PDE1C: variants seen among roughly 807,000 people sequenced by gnomAD.
PDE1C encodes the protein phosphodiesterase 1C.
A neutral mutation model predicts 93.1 loss-of-function variants in PDE1C; 62 were observed. The ratio of observed to expected loss-of-function variants is 0.67; its 90% CI spans 0.54 to 0.82. The LOEUF (loss-of-function observed/expected upper bound fraction) is 0.82. Ranked by LOEUF, PDE1C falls within the 40% of genes least tolerant of loss-of-function variation. The pLI is 0.00. For missense variants in PDE1C, 742 were observed against 884.6 expected (o/e 0.84, Z 2.04); for synonymous variants, 325 against 310.1 (o/e 1.05, Z -0.50).
At chr7:31,893,658 C>T (rs992804840) in intron 2 of PDE1C, among the ~76,000 whole-genome samples, 6 of 151,908 alleles carry the variant, frequency 3.9e-5, no homozygotes, top group Non-Finnish European at 8.8e-5. Context: ...ACTCCCATAG[C>T]TATTTAGAAA....
chr7:31,838,066 C>A (rs1583544711), intron 9 of PDE1C, 95 bp from the exon 10 acceptor site: 2 of 776,554 alleles, frequency 2.6e-6, no homozygotes, highest in South Asian at 3.1e-5. Flanking sequence ...GAAAATCAGT[C>A]AACGATTTCT....
At chr7:32,413,489 T>C (rs1785214166) in intron 1 of PDE1C, among the ~76,000 whole-genome samples, 1 of 152,154 alleles carries the variant, frequency 6.6e-6, no homozygotes, top group Non-Finnish European at 1.5e-5. Context: ...GCAAATACAA[T>C]ATGATTCCTC....
the PDE1C span, among the ~76,000 whole-genome samples, chr7:31,660,273 A>C: frequency 6.6e-6 from 1 of 152,226 alleles, no homozygotes; most frequent in Non-Finnish European, 1.5e-5. Flanking sequence ...AATGCTTATT[A>C]AAATAAATTT....
chr7:32,088,605 T>C (rs922010190), intron 3 of PDE1C, among the ~76,000 whole-genome samples: 10 of 152,214 alleles, frequency 6.6e-5, no homozygotes, highest in Non-Finnish European at 1.3e-4. Context: ...CTGGCAACAA[T>C]TGCAATTGAT....
At chr7:32,093,775 G>A (rs1797602986) in intron 3 of PDE1C, among the ~76,000 whole-genome samples, 1 of 152,230 alleles carries the variant, frequency 6.6e-6, no homozygotes, top group South Asian at 2.1e-4. Context: ...GTGGCTTTGA[G>A]CAGCTAGCCC....
At position 31,787,197 on chromosome 7, in the gene PDE1C, A is replaced by G. The variant is rs147040443; in HGVS notation, c.1892-11465T>C. On this transcript the variant is annotated intron_variant, in intron 16 of 17. Transcript: ENST00000396191. The stretch of plus-strand genomic sequence containing the variant: ...ACAATGGCTTAAATTCTACAAATGA[A>G]TGAACACGTGCACTAGGTTATTCTT... 4 of 152,346 alleles carry G rather than the reference A, an allele frequency of 2.6e-5. No individual in the cohort carries two copies. The East Asian group carries it at 7.7e-4, about 29-fold the overall frequency. The allele number at this position is 152,346 out of a possible 1,614,324, so 9.4% of individuals were successfully genotyped here.
chr7:31,753,365 C>A lies in PDE1C; in HGVS notation c.*19G>T. 1 of 1,605,604 alleles carries A rather than the reference C, an allele frequency of 6.2e-7. No homozygotes were observed. The highest frequency in any genetic ancestry group is 8.5e-7 in the Non-Finnish European group (1 of 1,176,022). ...AGATAGGTAGACCCTCCTTCACTCC[C>A]TCTCTTCTTCCCCTCGGCCTATTTT... On this transcript the variant is annotated 3_prime_UTR_variant, in exon 18 of 18. Coordinates refer to ENST00000396191, the MANE Select transcript of PDE1C (RefSeq NM_001191057.4).
chr7:31,893,336 G>C, intron 2 of PDE1C: 1 of 207,534 alleles, frequency 4.8e-6, no homozygotes, highest in Non-Finnish European at 8.4e-6. Flanking sequence ...TGGGATAAGG[G>C]GAGGGATCTG....
intron 3 of PDE1C, among the ~76,000 whole-genome samples, chr7:32,085,664 T>C (rs955519804): frequency 6.7e-6 from 1 of 148,926 alleles, no homozygotes; most frequent in African/African-American, 2.5e-5. Context: ...CATGATCAAG[T>C]GGGCTTCATC....
At chr7:31,893,136 G>C (rs1199057950) in intron 2 of PDE1C, among the ~76,000 whole-genome samples, 1 of 152,142 alleles carries the variant, frequency 6.6e-6, no homozygotes, top group East Asian at 1.9e-4. Flanking sequence ...TATGGACTAA[G>C]GGAGTGAGGG....
chr7:32,240,638 G>C (rs1368453310), intron 1 of PDE1C, among the ~76,000 whole-genome samples: 3 of 152,130 alleles, frequency 2.0e-5, no homozygotes, highest in Non-Finnish European at 4.4e-5. Context: ...ACTAAAAAAG[G>C]TGAGGACTCT....
At chr7:31,701,414 G>A in the PDE1C span, among the ~76,000 whole-genome samples, 1 of 152,226 alleles carries the variant, frequency 6.6e-6, no homozygotes, top group Admixed American at 6.5e-5. Context: ...TGGATGAAGA[G>A]TTGCTTCTGA....
intron 1 of PDE1C, among the ~76,000 whole-genome samples, chr7:32,246,333 A>C (rs1382329178): frequency 6.6e-6 from 1 of 152,130 alleles, no homozygotes; most frequent in East Asian, 1.9e-4. Context: ...ACTGACTCTT[A>C]TGCTTATGAC....
At chr7:32,183,934 T>G (rs940212235) in intron 2 of PDE1C, among the ~76,000 whole-genome samples, 9 of 151,898 alleles carry the variant, frequency 5.9e-5, no homozygotes, top group African/African-American at 2.2e-4. Context: ...GAATCTACAA[T>G]GAACTCAAAC....
At chr7:32,274,643 T>C (rs920793538) in intron 1 of PDE1C, among the ~76,000 whole-genome samples, 2 of 152,186 alleles carry the variant, frequency 1.3e-5, no homozygotes, top group Admixed American at 6.5e-5. Context: ...CAGCATCCAT[T>C]GTATTTCTCT....
At chr7:31,946,227 A>G (rs184740617) in intron 2 of PDE1C, among the ~76,000 whole-genome samples, 116 of 152,292 alleles carry the variant, frequency 7.6e-4, no homozygotes, top group African/African-American at 2.6e-3. Context: ...TTGGGAAAAA[A>G]GCTGAGGCAG....
At chr7:32,011,470 G>A (rs1185176261) in intron 2 of PDE1C, among the ~76,000 whole-genome samples, 1 of 152,166 alleles carries the variant, frequency 6.6e-6, no homozygotes, top group Non-Finnish European at 1.5e-5. Flanking sequence ...GGGATTACAG[G>A]CATGAGCCAC....
Position 32,236,841 on chromosome 7 carries a change from C to G in PDE1C, c.86-27302G>C, listed in dbSNP as rs149149709. Among the ~76,000 whole-genome samples the G allele has an allele frequency of 3.3e-4, 51 of 152,242 alleles. 1 individual carries two copies. Among genetic ancestry groups the G allele is most frequent in the African/African-American group, 1.2e-3 (51 of 41,548 alleles). On this transcript the variant is annotated intron_variant, in intron 1 of 18. Coordinates refer to the PDE1C transcript ENST00000396193. ...AATCACACAAAAAGCTGTACACAAA[C>G]GTTTATGGCAGCTCTATTCATAATC...
intron 2 of PDE1C, among the ~76,000 whole-genome samples, chr7:32,185,970 A>T (rs1162724293): frequency 6.6e-6 from 1 of 150,456 alleles, no homozygotes; most frequent in Admixed American, 6.6e-5. Flanking sequence ...TAGTTCTTGA[A>T]CTTAGAAACT....
Sources: gnomAD v4.1 joint callset for allele counts (sites outside exome capture counted in the v4.1 genomes callset) on GRCh38, gnomAD v4.1.1 for gene constraint, MANE v1.5 for transcripts, NCBI Gene and HGNC (gene_info 2026-07-23, HGNC 2026-07-21) for gene names.